The following MS4A10 variants were observed in gnomAD, a reference collection of about 807,000 sequenced individuals.
MS4A10 encodes the protein membrane spanning 4-domains A10.
In MS4A10, 27 loss-of-function variants were observed where a neutral mutation model predicts 27.7. That is an observed-to-expected ratio of 0.98 (90% confidence interval 0.72 to 1.35). MS4A10 has a LOEUF of 1.35. MS4A10 is among the 40% of genes most tolerant of loss of function. MS4A10 has a pLI of 0.00. For synonymous variants in MS4A10, 139 were observed against 131.2 expected (o/e 1.06, Z -0.41); for missense variants, 338 against 324.7 (o/e 1.04, Z -0.32).
chr11:60,797,284 G>GC (rs1235230542), intron 6 of MS4A10, among the ~76,000 whole-genome samples: 6 of 152,324 alleles, frequency 3.9e-5, no homozygotes, highest in African/African-American at 1.2e-4. Context: ...CACTGTGCTA[G>GC]TGCTGCAGGT....
intron 6 of MS4A10, among the ~76,000 whole-genome samples, chr11:60,797,388 G>A (rs988440448): frequency 1.3e-5 from 2 of 152,200 alleles, no homozygotes; most frequent in African/African-American, 4.8e-5. Context: ...CTGGAGGTCA[G>A]CGGTTTGAAA....
At chr11:60,799,500 C>G (rs376428795) in intron 7 of MS4A10, among the ~76,000 whole-genome samples, 1 of 152,064 alleles carries the variant, frequency 6.6e-6, no homozygotes, top group East Asian at 1.9e-4. Flanking sequence ...CCAAAAATAA[C>G]AAACATGTGA....
At position 60,799,862 on chromosome 11, in the gene MS4A10, T is replaced by A; in HGVS notation, c.757T>A (p.Trp253Arg). 1 of 1,604,928 alleles carries A rather than the reference T, an allele frequency of 6.2e-7. No homozygotes were observed. The change falls in exon 8 of 8, where the codon TGG becomes AGG. Residue 253 changes from tryptophan (W) to arginine (R), a missense_variant. Transcript: ENST00000308287. ...REVKQVAPDT[W>R]IVTDGAAIWT... ...AGTTAAGCAAGTTGCCCCGGACACA[T>A]GGATAGTCACTGACGGAGCTGCGAT...
intron 6 of MS4A10, 115 bp downstream of exon 6, chr11:60,795,780 T>C: frequency 1.7e-6 from 1 of 598,440 alleles, no homozygotes; most frequent in Non-Finnish European, 2.6e-6. Context: ...CATTCATTCC[T>C]CACGTTGCTG....
intron 2 of MS4A10, 28 bp downstream of exon 2, chr11:60,790,546 C>G: frequency 6.2e-7 from 1 of 1,612,166 alleles, no homozygotes; most frequent in Non-Finnish European, 8.5e-7. Context: ...AGGGTCCCAG[C>G]AGTGGGAGGC....
At chr11:60,799,294 G>C (rs1413079444) in intron 7 of MS4A10, among the ~76,000 whole-genome samples, 2 of 152,180 alleles carry the variant, frequency 1.3e-5, no homozygotes, top group African/African-American at 4.8e-5. Context: ...TAATGTGAGG[G>C]AGAGGGACCT....
chr11:60,791,318 A>G (rs1197444031), intron 3 of MS4A10, among the ~76,000 whole-genome samples: 1 of 152,112 alleles, frequency 6.6e-6, no homozygotes, highest in Admixed American at 6.5e-5. Flanking sequence ...CCAAGAGAGC[A>G]CTTGGAGGCT....
intron 6 of MS4A10, 56 bp downstream of exon 6, chr11:60,795,721 G>T: frequency 1.7e-6 from 2 of 1,152,152 alleles, no homozygotes; most frequent in Non-Finnish European, 1.2e-6. Context: ...TGAGGCAGCA[G>T]AGAGCTCAGA....
At chr11:60,794,384 G>A (rs993987080) in intron 5 of MS4A10, among the ~76,000 whole-genome samples, 1 of 152,206 alleles carries the variant, frequency 6.6e-6, no homozygotes, top group South Asian at 2.1e-4. Flanking sequence ...GCAACTTGAC[G>A]GCAAATCCAG....
At chr11:60,798,982 C>T (rs1490658747) in intron 7 of MS4A10, among the ~76,000 whole-genome samples, 1 of 152,216 alleles carries the variant, frequency 6.6e-6, no homozygotes. Context: ...CCTACTAAGA[C>T]ATCTCTGAGG....
At chr11:60,793,819 A>G (rs1854472375) in intron 4 of MS4A10, among the ~76,000 whole-genome samples, 153 bp from the exon 5 acceptor site, 1 of 152,154 alleles carries the variant, frequency 6.6e-6, no homozygotes, top group Admixed American at 6.5e-5. Context: ...TGAGGGGCTG[A>G]GGGGCCAGTG....
At chr11:60,790,700 T>G (rs1005789726) in intron 2 of MS4A10, among the ~76,000 whole-genome samples, 182 bp downstream of exon 2, 2 of 152,214 alleles carry the variant, frequency 1.3e-5, no homozygotes, top group African/African-American at 4.8e-5. Context: ...CACCTACTAC[T>G]GCCTTGTGAG....
chr11:60,793,253 C>T (rs531137395), intron 4 of MS4A10, among the ~76,000 whole-genome samples: 3 of 152,198 alleles, frequency 2.0e-5, no homozygotes, highest in Admixed American at 6.5e-5. Context: ...TTGACAAAGA[C>T]GTGCCCATTC....
At chr11:60,789,947 A>T (rs2134749237) in intron 1 of MS4A10, among the ~76,000 whole-genome samples, 1 of 152,112 alleles carries the variant, frequency 6.6e-6, no homozygotes, top group South Asian at 2.1e-4. Flanking sequence ...GTGGATGGAG[A>T]CTGTTTACAA....
At chr11:60,788,930 C>T (rs79122479) in intron 1 of MS4A10, among the ~76,000 whole-genome samples, 3 of 152,214 alleles carry the variant, frequency 2.0e-5, no homozygotes, top group African/African-American at 7.2e-5. Context: ...GTGCTGACTT[C>T]CTGAGTATTA....
rs777512469 is a variant in MS4A10 at position 60,791,080 on chromosome 11, G to C, written c.290G>C (p.Trp97Ser). The C allele has an allele frequency of 2.0e-5, 33 of 1,613,854 alleles. No homozygotes were observed. The highest frequency in any genetic ancestry group is 2.6e-5 in the Non-Finnish European group (31 of 1,179,966). The change falls in exon 3 of 8, where the codon TGG becomes TCG. Residue 97 changes from tryptophan to serine, a missense_variant. Transcript: ENST00000308287. The part of the protein sequence containing the change: ...LVVLKSWYPF[W>S]GAASFLISGI... ...GTGCTGAAGTCTTGGTATCCATTCT[G>C]GGGGGCTGCCTCTGTGAGTAGAAGG...
chr11:60,785,944 G>A (rs1424264366), intron 1 of MS4A10, among the ~76,000 whole-genome samples: 1 of 152,052 alleles, frequency 6.6e-6, no homozygotes, highest in Non-Finnish European at 1.5e-5. Context: ...GCTGCTGGTG[G>A]GTGAGCTCTC....
At chr11:60,794,156 G>C (rs1398813335) in intron 5 of MS4A10, 53 bp downstream of exon 5, 5 of 1,608,238 alleles carry the variant, frequency 3.1e-6, no homozygotes, top group Non-Finnish European at 2.5e-6. Flanking sequence ...TGCTGCCTTG[G>C]ATTTGGCCAA....
chr11:60,790,530 C>G lies in MS4A10; in HGVS notation c.183+12C>G. ...TTAAGGAGCTGGGGGTGAGCATCCACTTCCCAGGGTCCCAGCAGTGGGAGG... is the reference window on the plus strand; with the variant it reads ...TTAAGGAGCTGGGGGTGAGCATCCAGTTCCCAGGGTCCCAGCAGTGGGAGG... On this transcript the variant is annotated intron_variant, in intron 2 of 7. Coordinates refer to ENST00000308287, the MANE Select transcript of MS4A10 (RefSeq NM_206893.4). 1 of 1,613,822 alleles carries G rather than the reference C, an allele frequency of 6.2e-7. No individual in the cohort carries two copies. The highest frequency in any genetic ancestry group is 1.1e-5 in the South Asian group (1 of 91,024).
Sources: gnomAD v4.1 joint callset for allele counts (sites outside exome capture counted in the v4.1 genomes callset) on GRCh38, gnomAD v4.1.1 for gene constraint, MANE v1.5 for transcripts, NCBI Gene and HGNC (gene_info 2026-07-23, HGNC 2026-07-21) for gene names.